Variants in RBPJ observed in about 807,000 individuals in gnomAD.
The protein encoded by RBPJ is recombining binding protein suppressor of hairless.
Under a neutral mutation model 67.8 loss-of-function variants are expected in RBPJ, and 9 were observed. That is an observed-to-expected ratio of 0.13 (90% CI 0.08 to 0.23). RBPJ has a LOEUF of 0.23. Among genes scored for constraint, RBPJ ranks in the 10% least tolerant of loss-of-function variants. The pLI, the probability that RBPJ is intolerant of heterozygous loss-of-function variation, is 1.00. For synonymous variants in RBPJ, 198 were observed against 203.3 expected, an observed-to-expected ratio of 0.97 and a Z score of 0.22; for missense variants, 305 against 595.6, an observed-to-expected ratio of 0.51 and a Z score of 5.08.
In RBPJ at chr4:26,191,210, T is replaced by TAG. The variant is rs545388933; in HGVS notation, c.-167+27626_-167+27627dup. Among the ~76,000 whole-genome samples the TAG allele has an allele frequency of 2.8e-3, 75 of 26,828 alleles. 1 individual carries two copies. Among genetic ancestry groups the TAG allele is most frequent in the Admixed American group, 3.8e-3 (4 of 1,060 alleles). 17.6% of individuals were successfully genotyped at this position (26,828 alleles called of 152,430 possible). On this transcript the variant is annotated intron_variant, in intron 1 of 4. Coordinates refer to the RBPJ transcript ENST00000512351. ...ATATATATATATATATATATATATA[T>TAG]AGAGAGAGAGAGAGAGAGAGAGAGA... is the stretch of plus-strand genomic sequence containing the variant.
chr4:26,212,439 T>C (rs867851066), intron 1 of RBPJ, among the ~76,000 whole-genome samples: 17,817 of 133,480 alleles, frequency 0.13, 685 homozygotes, highest in Middle Eastern at 0.2. Flanking sequence ...TTTCTTTTTT[T>C]TTTTTTTTTT....
Position 26,431,577 on chromosome 4 carries a change from G to GT in RBPJ, c.*582dup, listed in dbSNP as rs777521133. 255 of 141,028 alleles carry GT rather than the reference G, an allele frequency of 1.8e-3. 1 individual carries two copies. Among genetic ancestry groups the GT allele is most frequent in the Non-Finnish European group, 2.4e-3 (157 of 64,298 alleles). 8.7% of individuals were successfully genotyped at this position (141,028 alleles called of 1,614,324 possible). A position where few individuals can be genotyped will look rare whatever the true frequency, so the allele number is the denominator to read the frequency against. ...TGTTTAATCTATCATACTCTTCCAG[G>GT]TTTTTTTTTTTTGGTCTAAGGCTGG... On this transcript the variant is annotated 3_prime_UTR_variant, in exon 11 of 11. Coordinates refer to ENST00000355476, the MANE Select transcript of RBPJ (RefSeq NM_015874.6).
intron 1 of RBPJ, among the ~76,000 whole-genome samples, chr4:26,385,383 A>G (rs965278237): frequency 1.3e-5 from 2 of 152,188 alleles, no homozygotes; most frequent in Admixed American, 6.5e-5. Flanking sequence ...TGAGGTAAGC[A>G]CAGTCACTGT....
chr4:26,361,513 A>G (rs1024307587), intron 1 of RBPJ, among the ~76,000 whole-genome samples: 3 of 152,022 alleles, frequency 2.0e-5, no homozygotes. Context: ...GCTGTTCCAC[A>G]TGCCTAGAGT....
At chr4:26,390,806 G>T (rs557157151) in intron 2 of RBPJ, among the ~76,000 whole-genome samples, 2 of 152,334 alleles carry the variant, frequency 1.3e-5, no homozygotes, top group East Asian at 3.9e-4. Flanking sequence ...TATAATCCCA[G>T]TACATTGAAA....
At chr4:26,327,065 T>C (rs1723703411) in intron 1 of RBPJ, among the ~76,000 whole-genome samples, 1 of 152,182 alleles carries the variant, frequency 6.6e-6, no homozygotes, top group Non-Finnish European at 1.5e-5. Context: ...GAATGTTGAA[T>C]GTCTAGCTGC....
At chr4:26,252,586 CAAAG>C (rs1043433874) in intron 1 of RBPJ, among the ~76,000 whole-genome samples, 20 of 151,986 alleles carry the variant, frequency 1.3e-4, no homozygotes, top group Non-Finnish European at 2.4e-4. Flanking sequence ...ACCGCTGACT[CAAAG>C]AGAGAGAGAG....
chr4:26,410,083 G>A, intron 3 of RBPJ: 1 of 453,922 alleles, frequency 2.2e-6, no homozygotes, highest in Non-Finnish European at 4.4e-6. Context: ...CTAGCCCTCT[G>A]GATGTCTGTC....
intron 1 of RBPJ, among the ~76,000 whole-genome samples, chr4:26,236,208 T>C (rs951464605): frequency 6.6e-6 from 1 of 152,230 alleles, no homozygotes; most frequent in African/African-American, 2.4e-5. Flanking sequence ...ACTCTGGCTG[T>C]GACCTTGAGT....
intron 3 of RBPJ, among the ~76,000 whole-genome samples, chr4:26,409,418 A>T (rs997591605): frequency 1.3e-5 from 2 of 152,220 alleles, no homozygotes; most frequent in African/African-American, 4.8e-5. Flanking sequence ...AAAGAAAAAG[A>T]TCCAACATAT....
chr4:26,396,166 A>G (rs1732097405), intron 2 of RBPJ, among the ~76,000 whole-genome samples: 1 of 152,232 alleles, frequency 6.6e-6, no homozygotes, highest in South Asian at 2.1e-4. Context: ...AGGTAAATGT[A>G]AAATGAATTT....
At chr4:26,151,277 C>T in the RBPJ span, among the ~76,000 whole-genome samples, 5 of 152,148 alleles carry the variant, frequency 3.3e-5, no homozygotes, top group African/African-American at 1.2e-4. Flanking sequence ...TCAGCCATGA[C>T]TAATGCTGAA....
At chr4:26,363,420 G>A (rs1357525052) in intron 1 of RBPJ, among the ~76,000 whole-genome samples, 1 of 151,826 alleles carries the variant, frequency 6.6e-6, no homozygotes, top group East Asian at 1.9e-4. Flanking sequence ...CTACAGGCGT[G>A]AGCCACTGTG....
In RBPJ at chr4:26,299,769, C is replaced by G. The variant is rs113809265; in HGVS notation, c.-166-62677C>G. 1.1e-3 allele frequency among the ~76,000 whole-genome samples: 162 copies of G among 147,322 alleles called. 1 individual carries two copies. Among genetic ancestry groups the G allele is most frequent in the African/African-American group, 3.9e-3 (157 of 39,824 alleles). ...TCCTGGCTCACTGCAACCTCTGCCTCCTGGGTTCAAGCGATTCTCCTGCCT... is the reference window on the plus strand; with the variant it reads ...TCCTGGCTCACTGCAACCTCTGCCTGCTGGGTTCAAGCGATTCTCCTGCCT... On this transcript the variant is annotated intron_variant, in intron 1 of 4. Coordinates refer to the RBPJ transcript ENST00000512351.
chr4:26,274,316 G>T (rs1319478812), intron 1 of RBPJ, among the ~76,000 whole-genome samples: 1 of 152,114 alleles, frequency 6.6e-6, no homozygotes, highest in Non-Finnish European at 1.5e-5. Flanking sequence ...ATAAGAGAAG[G>T]TATGATTTTT....
intron 1 of RBPJ, chr4:26,163,723 C>T (rs566728366): frequency 8.5e-5 from 13 of 152,348 alleles, no homozygotes; most frequent in Admixed American, 3.9e-4. Flanking sequence ...CTACTGCCAC[C>T]TCAAGGGGTA....
chr4:26,380,962 G>A (rs948722483), intron 1 of RBPJ, among the ~76,000 whole-genome samples: 4 of 149,186 alleles, frequency 2.7e-5, no homozygotes, highest in Non-Finnish European at 4.4e-5. Flanking sequence ...TATGTTTTTC[G>A]AATCAAAGTT....
chr4:26,346,473 G>T (rs1451991164), intron 1 of RBPJ, among the ~76,000 whole-genome samples: 1 of 152,166 alleles, frequency 6.6e-6, no homozygotes, highest in African/African-American at 2.4e-5. Context: ...TGTACACATG[G>T]CTGACAAAGA....
intron 1 of RBPJ, among the ~76,000 whole-genome samples, chr4:26,385,292 A>G (rs978693631): frequency 4.0e-5 from 6 of 151,738 alleles, no homozygotes; most frequent in African/African-American, 1.5e-4. Context: ...AAGTACTGGG[A>G]TTACAGGTGT....
Sources: allele counts gnomAD v4.1 joint callset (sites outside exome capture counted in the v4.1 genomes callset), GRCh38; gene constraint gnomAD v4.1.1; transcripts MANE v1.5; gene names NCBI Gene and HGNC (gene_info 2026-07-23, HGNC 2026-07-21).